The following MRPL13 variants were observed in gnomAD, a reference collection of about 807,000 sequenced individuals.
MRPL13 encodes mitochondrial ribosomal protein L13.
A neutral mutation model predicts 29.0 loss-of-function variants in MRPL13; 33 were observed. That is an observed-to-expected ratio of 1.14 (90% confidence interval 0.86 to 1.52). The LOEUF (loss-of-function observed/expected upper bound fraction) is 1.52. Ranked by LOEUF, MRPL13 falls within the 40% of genes most tolerant of loss-of-function variation. The pLI is 0.00. For missense variants in MRPL13, 227 were observed against 216.7 expected (o/e 1.05, Z -0.30); for synonymous variants, 77 against 68.4 (o/e 1.13, Z -0.62).
At chr8:120,437,680 A>G (rs927671225) in intron 2 of MRPL13, among the ~76,000 whole-genome samples, 11 of 152,144 alleles carry the variant, frequency 7.2e-5, no homozygotes, top group African/African-American at 2.4e-4. Flanking sequence ...ACCTTAACCC[A>G]CATTTTCCAT....
intron 4 of MRPL13, among the ~76,000 whole-genome samples, chr8:120,424,373 G>C (rs902671610): frequency 6.6e-6 from 1 of 152,152 alleles, no homozygotes; most frequent in Non-Finnish European, 1.5e-5. Flanking sequence ...TATAGTCCCA[G>C]GTGTTTGGGA....
chr8:120,401,307 A>G (rs1030671366), intron 6 of MRPL13, among the ~76,000 whole-genome samples: 1 of 152,192 alleles, frequency 6.6e-6, no homozygotes, highest in Non-Finnish European at 1.5e-5. Context: ...ATCCACCACA[A>G]TCAAGTCAGG....
chr8:120,422,320 C>CT (rs879631638), intron 4 of MRPL13, among the ~76,000 whole-genome samples: 1 of 151,452 alleles, frequency 6.6e-6, no homozygotes, highest in Non-Finnish European at 1.5e-5. Context: ...ATAAAATAGT[C>CT]TCTAATAGGA....
intron 4 of MRPL13, among the ~76,000 whole-genome samples, chr8:120,423,478 G>T (rs1332067956): frequency 6.6e-6 from 1 of 151,742 alleles, no homozygotes; most frequent in Admixed American, 6.6e-5. Flanking sequence ...GGTCTTAAAG[G>T]TATCCAGAAA....
chr8:120,425,170 G>T, intron 4 of MRPL13, 136 bp downstream of exon 4: 1 of 564,346 alleles, frequency 1.8e-6, no homozygotes, highest in Non-Finnish European at 3.1e-6. Flanking sequence ...TTATCAAAAC[G>T]TGTGTGATAC....
At chr8:120,434,456 C>A (rs1205897290) in intron 2 of MRPL13, among the ~76,000 whole-genome samples, 1 of 152,062 alleles carries the variant, frequency 6.6e-6, no homozygotes, top group Non-Finnish European at 1.5e-5. Flanking sequence ...TTCAACTCAG[C>A]TAAAATTATA....
intron 5 of MRPL13, 144 bp from the exon 6 acceptor site, chr8:120,414,256 T>C: frequency 1.5e-6 from 1 of 668,768 alleles, no homozygotes; most frequent in Non-Finnish European, 2.1e-6. Context: ...ATAAAAACCT[T>C]ATAAAAATTC....
At chr8:120,420,393 A>G (rs993042782) in intron 4 of MRPL13, among the ~76,000 whole-genome samples, 9 of 149,722 alleles carry the variant, frequency 6.0e-5, no homozygotes, top group African/African-American at 2.2e-4. Context: ...TTTTCCATCT[A>G]TTTTCTATTA....
In MRPL13 at chr8:120,406,970, G is replaced by C. The variant is rs961347019; in HGVS notation, c.515+7021C>G. 3.9e-5 allele frequency among the ~76,000 whole-genome samples: 6 copies of C among 152,188 alleles called. No homozygotes were observed. In the South Asian group the frequency reaches 1.2e-3, roughly 32 times the overall value. On this transcript the variant is annotated intron_variant, in intron 6 of 6. Coordinates refer to ENST00000306185, the MANE Select transcript of MRPL13 (RefSeq NM_014078.6). Reference sequence around the variant, plus strand: ...TTTAAAAAGCCTCATCTGAGTTGTAGAAAATATTCTCTGGTGCTTGTGACT... The same window carrying C: ...TTTAAAAAGCCTCATCTGAGTTGTACAAAATATTCTCTGGTGCTTGTGACT...
chr8:120,444,720 C>G (rs910071240), intron 1 of MRPL13, among the ~76,000 whole-genome samples: 2 of 152,108 alleles, frequency 1.3e-5, no homozygotes, highest in African/African-American at 4.8e-5. Flanking sequence ...GATCAAAACC[C>G]TCCAAAAGGT....
At chr8:120,437,092 C>A (rs1813063185) in intron 2 of MRPL13, among the ~76,000 whole-genome samples, 1 of 152,110 alleles carries the variant, frequency 6.6e-6, no homozygotes. Flanking sequence ...AAGCAAAAAT[C>A]TCCTTCAGTG....
At chr8:120,436,586 C>T (rs1563777367) in intron 2 of MRPL13, among the ~76,000 whole-genome samples, 1 of 152,058 alleles carries the variant, frequency 6.6e-6, no homozygotes, top group Admixed American at 6.6e-5. Flanking sequence ...ATATTTTCTT[C>T]CAGTCTGTAG....
rs1563778952 is a variant in MRPL13, at chr8:120,443,196, T to C, written c.140A>G (p.Tyr47Cys). 6.3e-7 allele frequency: 1 copy of C among 1,596,858 alleles called. No individual in the cohort carries two copies. The highest frequency in any genetic ancestry group is 8.5e-7 in the Non-Finnish European group (1 of 1,173,344). ...IRLQGLHKPV[Y>C]HALSDCGDHV... ...AAAATAATACTTACTCAGTGCATGG[T>C]ACACAGGTTTATGTAATCCCTGAAG... The change falls in exon 2 of 7, where the codon TAC (tyrosine) becomes TGC (cysteine). Residue 47 changes from tyrosine (Y) to cysteine (C), a missense_variant. Transcript: ENST00000306185.
In MRPL13 at chr8:120,419,950, A is replaced by C; in HGVS notation, c.307-12T>G. On this transcript the variant is annotated splice_polypyrimidine_tract_variant and intron_variant, in intron 4 of 6. Transcript: ENST00000306185. ...GCTAGTTTTACAATCTGAAAGATAT[A>C]CATAGGACACAATAAGAAAATTGTG... 1 of 1,522,378 alleles carries C rather than the reference A, an allele frequency of 6.6e-7. No individual in the cohort carries two copies. The highest frequency in any genetic ancestry group is 8.9e-7 in the Non-Finnish European group (1 of 1,127,484). The allele number at this position is 1,522,378 out of a possible 1,614,324, so 94.3% of individuals were successfully genotyped here. A position where few individuals can be genotyped will look rare whatever the true frequency, so the allele number is the denominator to read the frequency against.
chr8:120,442,274 A>G (rs1302590086), intron 2 of MRPL13, among the ~76,000 whole-genome samples: 2 of 152,204 alleles, frequency 1.3e-5, no homozygotes, highest in Non-Finnish European at 1.5e-5. Context: ...TAAAGACTCA[A>G]TAGTTGCTAT....
intron 2 of MRPL13, among the ~76,000 whole-genome samples, chr8:120,439,800 G>A (rs1813095689): frequency 6.6e-6 from 1 of 152,176 alleles, no homozygotes; most frequent in Non-Finnish European, 1.5e-5. Context: ...AAAAAGGTTA[G>A]AGCAGCAAGT....
intron 6 of MRPL13, among the ~76,000 whole-genome samples, 164 bp from the exon 7 acceptor site, chr8:120,396,289 CT>C (rs1479531439): frequency 1.3e-5 from 2 of 151,852 alleles, no homozygotes; most frequent in Non-Finnish European, 2.9e-5. Context: ...AACATCAAAT[CT>C]TTATAAAGTA....
chr8:120,414,213 C>T (rs1245170905), intron 5 of MRPL13, 101 bp from the exon 6 acceptor site: 4 of 907,178 alleles, frequency 4.4e-6, no homozygotes, highest in Non-Finnish European at 5.9e-6. Flanking sequence ...CAAAAGAATG[C>T]TCGTAGAATA....
intron 1 of MRPL13, among the ~76,000 whole-genome samples, chr8:120,443,891 G>C (rs115061134): frequency 6.6e-6 from 1 of 152,018 alleles, no homozygotes; most frequent in Non-Finnish European, 1.5e-5. Context: ...GGTATCTTTA[G>C]GTTGCCTCAG....
Sources: gnomAD v4.1 joint callset for allele counts (sites outside exome capture counted in the v4.1 genomes callset) on GRCh38, gnomAD v4.1.1 for gene constraint, MANE v1.5 for transcripts, NCBI Gene and HGNC (gene_info 2026-07-23, HGNC 2026-07-21) for gene names.